The following LGSN variants were observed in gnomAD, a reference collection of about 807,000 sequenced individuals.
The protein encoded by LGSN is lengsin.
Under a neutral mutation model 19.5 loss-of-function variants are expected in LGSN, and 21 were observed. The observed-to-expected ratio is 1.07, with a 90% CI of 0.76 to 1.55. The LOEUF (loss-of-function observed/expected upper bound fraction) is 1.55, where lower values mean the gene tolerates loss of function less well. Ranked by LOEUF, LGSN falls within the 40% of genes most tolerant of loss-of-function variation. The probability of loss-of-function intolerance (pLI) is 0.00; values close to 1 mark genes in which losing one functional copy is unlikely to be tolerated. For missense variants in LGSN, 673 were observed against 608.5 expected, an observed-to-expected ratio of 1.11 and a Z score of -1.12; for synonymous variants, 257 against 215.6, an observed-to-expected ratio of 1.19 and a Z score of -1.68.
chr6:63,420,935 A>C, the LGSN span, among the ~76,000 whole-genome samples: 1 of 152,184 alleles, frequency 6.6e-6, no homozygotes, highest in Admixed American at 6.5e-5. Context: ...AATAGAAGAT[A>C]AAGAAAATGA....
At chr6:63,499,091 A>T in the LGSN span, among the ~76,000 whole-genome samples, 1 of 152,146 alleles carries the variant, frequency 6.6e-6, no homozygotes, top group African/African-American at 2.4e-5. Flanking sequence ...TACATTGTTT[A>T]TGTGATGATT....
At chr6:63,515,071 T>C in the LGSN span, among the ~76,000 whole-genome samples, 1 of 152,160 alleles carries the variant, frequency 6.6e-6, no homozygotes, top group African/African-American at 2.4e-5. Flanking sequence ...GGCATGATCA[T>C]AGCTTACTGC....
the LGSN span, among the ~76,000 whole-genome samples, chr6:63,374,519 A>G: frequency 1.3e-5 from 2 of 152,256 alleles, no homozygotes; most frequent in Non-Finnish European, 2.9e-5. Context: ...TACATCACTT[A>G]GGATCATAAA....
At chr6:63,442,134 C>T in the LGSN span, among the ~76,000 whole-genome samples, 2 of 152,026 alleles carry the variant, frequency 1.3e-5, no homozygotes, top group Non-Finnish European at 2.9e-5. Flanking sequence ...TCCTCATGTC[C>T]GGAGTTGTTG....
At chr6:63,347,340 C>A in the LGSN span, among the ~76,000 whole-genome samples, 1 of 152,042 alleles carries the variant, frequency 6.6e-6, no homozygotes, top group Non-Finnish European at 1.5e-5. Context: ...CTCCAAAGTA[C>A]TTTGAATTTG....
the LGSN span, among the ~76,000 whole-genome samples, chr6:63,466,135 A>G: frequency 1.3e-5 from 2 of 152,210 alleles, no homozygotes; most frequent in African/African-American, 4.8e-5. Flanking sequence ...CCTGGCCTCA[A>G]GAGATCCTTC....
At chr6:63,287,465 T>C (rs979181769) in intron 2 of LGSN, among the ~76,000 whole-genome samples, 1 of 151,946 alleles carries the variant, frequency 6.6e-6, no homozygotes, top group African/African-American at 2.4e-5. Flanking sequence ...GGTGGGCAGA[T>C]CACTTGGGGC....
chr6:63,335,142 CAA>C, the LGSN span, among the ~76,000 whole-genome samples: 1,007 of 81,852 alleles, frequency 0.012, 11 homozygotes, highest in African/African-American at 0.035. Context: ...GACTCCATCT[CAA>C]AAAAAAAAAA....
At chr6:63,316,347 A>C (rs1427474909) in intron 1 of LGSN, among the ~76,000 whole-genome samples, 1 of 152,174 alleles carries the variant, frequency 6.6e-6, no homozygotes, top group Non-Finnish European at 1.5e-5. Flanking sequence ...AAATTGGCTA[A>C]TAGTCAACAG....
chr6:63,286,665 A>G (rs1024413918), intron 2 of LGSN, among the ~76,000 whole-genome samples: 2 of 152,230 alleles, frequency 1.3e-5, no homozygotes, highest in African/African-American at 4.8e-5. Flanking sequence ...TAGAATGGTC[A>G]GGCAAATAGT....
intron 2 of LGSN, among the ~76,000 whole-genome samples, chr6:63,293,363 T>C (rs1477722021): frequency 2.6e-5 from 4 of 152,200 alleles, no homozygotes; most frequent in Non-Finnish European, 4.4e-5. Flanking sequence ...AATACACTCA[T>C]GTACCAAAAT....
chr6:63,522,057 C>T, the LGSN span, among the ~76,000 whole-genome samples: 3 of 152,164 alleles, frequency 2.0e-5, no homozygotes, highest in African/African-American at 4.8e-5. Flanking sequence ...CAGGCTTTGC[C>T]AGATACTGTT....
At chr6:63,450,510 A>T in the LGSN span, among the ~76,000 whole-genome samples, 1 of 151,460 alleles carries the variant, frequency 6.6e-6, no homozygotes, top group Non-Finnish European at 1.5e-5. Context: ...GTGCCACTGA[A>T]CTCAAGCCTG....
chr6:63,563,438 C>G, the LGSN span, among the ~76,000 whole-genome samples: 1 of 152,200 alleles, frequency 6.6e-6, no homozygotes, highest in Admixed American at 6.5e-5. Flanking sequence ...CTTCCTCCCC[C>G]TCTTTTTGTG....
In LGSN at chr6:63,285,679, T is replaced by C; in HGVS notation, c.238A>G (p.Met80Val). 1.2e-6 allele frequency: 2 copies of C among 1,614,000 alleles called. No homozygotes were observed. Among genetic ancestry groups the C allele is most frequent in the Non-Finnish European group, 1.7e-6 (2 of 1,179,900 alleles). ...SSRMKHIRQA[M>V]AKNRLQFVRF... ...ACAAACTGGAGGCGATTTTTGGCCA[T>C]GGCTTGTCTAATGTGTTTCATTCTA... The change falls in exon 3 of 4, where the codon ATG (methionine) becomes GTG (valine). Residue 80 changes from methionine to valine, a missense_variant. Met to Val is a conservative substitution (Grantham distance 21). Transcript: ENST00000370657.
At chr6:63,283,649 TAC>T (rs151104344) in intron 3 of LGSN, among the ~76,000 whole-genome samples, 42 of 145,306 alleles carry the variant, frequency 2.9e-4, no homozygotes, top group Non-Finnish European at 2.1e-4. Context: ...TGGAATAAGG[TAC>T]ACACACACAC....
At chr6:63,470,470 T>C in the LGSN span, among the ~76,000 whole-genome samples, 2 of 110,682 alleles carry the variant, frequency 1.8e-5, no homozygotes, top group African/African-American at 6.5e-5. Context: ...CAAGACTGTC[T>C]CAATTCAAAA....
chr6:63,518,696 C>T, the LGSN span, among the ~76,000 whole-genome samples: 1 of 152,348 alleles, frequency 6.6e-6, no homozygotes, highest in South Asian at 2.1e-4. Context: ...TCAGCCTTCA[C>T]AGTGTACTAA....
At chr6:63,552,749 A>C in the LGSN span, among the ~76,000 whole-genome samples, 3 of 152,218 alleles carry the variant, frequency 2.0e-5, no homozygotes, top group Admixed American at 6.5e-5. Context: ...AGCTTTCTAC[A>C]TATGGCTAGC....
Sources: allele counts gnomAD v4.1 joint callset (sites outside exome capture counted in the v4.1 genomes callset), GRCh38; gene constraint gnomAD v4.1.1; transcripts MANE v1.5; gene names NCBI Gene and HGNC (gene_info 2026-07-23, HGNC 2026-07-21).